Variants in NLRP4 observed in about 807,000 individuals in gnomAD.
NLRP4 encodes the protein NACHT, LRR and PYD domains-containing protein 4.
NLRP4 carries 44 observed loss-of-function variants against 84.7 expected under a neutral mutation model. That is an observed-to-expected ratio of 0.52 (90% CI 0.41 to 0.67). The LOEUF (loss-of-function observed/expected upper bound fraction) is 0.67, where lower values mean the gene tolerates loss of function less well. NLRP4 is among the 30% of genes least tolerant of loss of function. The pLI is 0.00. For synonymous variants in NLRP4, 544 were observed against 476.4 expected (o/e 1.14, Z -1.85); for missense variants, 1,260 against 1,219.4 (o/e 1.03, Z -0.50).
At chr19:55,844,250 C>T (rs1336822895) in intron 1 of NLRP4, among the ~76,000 whole-genome samples, 2 of 152,004 alleles carry the variant, frequency 1.3e-5, no homozygotes, top group Non-Finnish European at 2.9e-5. Context: ...ATCCTCTTCC[C>T]TCTATTCATA....
chr19:55,838,341 G>A (rs1280825381), intron 1 of NLRP4, among the ~76,000 whole-genome samples: 1 of 151,240 alleles, frequency 6.6e-6, no homozygotes, highest in African/African-American at 2.4e-5. Flanking sequence ...CAAGCAGAAT[G>A]GCATGTGACA....
At position 55,858,882 on chromosome 19, in the gene NLRP4, A is replaced by AT. The variant is rs2123035164; in HGVS notation, c.1496dup (p.Leu499PhefsTer11). The AT allele has an allele frequency of 1.2e-5, 19 of 1,614,120 alleles. No homozygotes were observed. Among genetic ancestry groups the AT allele is most frequent in the Non-Finnish European group, 1.6e-5 (19 of 1,180,018 alleles). ...TGAAAAAGCAAGGAGAGCACATTGG[A>AT]TTTTTTTGGGGTGTTTTCTAACTGG... On this transcript the variant is annotated frameshift_variant, in exon 3 of 10. Coordinates refer to ENST00000301295, the MANE Select transcript of NLRP4 (RefSeq NM_134444.5). LOFTEE classifies it high-confidence loss of function. The surrounding 1 kb of genome is among the most constrained non-coding windows in gnomAD (Gnocchi z 4.2).
Position 55,850,113 on chromosome 19 carries a change from AGCTGCGGTGTAATTTCCGTG to A in NLRP4, c.-65-1884_-65-1865del, listed in dbSNP as rs1189948965. On this transcript the variant is annotated intron_variant, in intron 1 of 9. Coordinates refer to ENST00000301295, the MANE Select transcript of NLRP4 (RefSeq NM_134444.5). ...TCCGTGGCTGCGGTGTAATTACCGT[AGCTGCGGTGTAATTTCCGTG>A]GCTGCGGTGTAATTTCCGAGGCTGC... Among the ~76,000 whole-genome samples, 393 of 52,268 alleles carry A rather than the reference AGCTGCGGTGTAATTTCCGTG, an allele frequency of 7.5e-3. 16 individuals are homozygous for A. The highest frequency in any genetic ancestry group is 0.023 in the East Asian group (49 of 2,110). 34.3% of individuals were successfully genotyped at this position (52,268 alleles called of 152,430 possible). A position where few individuals can be genotyped will look rare whatever the true frequency, so the allele number is the denominator to read the frequency against.
chr19:55,877,109 G>C lies in NLRP4; in HGVS notation c.2639G>C (p.Gly880Ala), dbSNP rs759989352. Residue 880 changes from glycine (G) to alanine (A), a missense_variant, in exon 8 of 10, where the codon GGT becomes GCT. By Grantham distance (60) the Gly-to-Ala change is moderately conservative. This residue lies in a region of NLRP4 where 544 missense variants were observed against 531.7 expected (regional missense o/e 1.02). Transcript: ENST00000301295. ...GGGTGCAATGAAATCGGAGATGTGG[G>C]TGTGCAGCTGTTGTGTCGGGCTCTG... ...QIGCNEIGDV[G>A]VQLLCRALTH... The C allele has an allele frequency of 3.8e-5, 62 of 1,614,164 alleles. No homozygotes were observed. The highest frequency in any genetic ancestry group is 5.1e-5 in the Non-Finnish European group (60 of 1,179,988).
intron 1 of NLRP4, among the ~76,000 whole-genome samples, chr19:55,839,839 C>T (rs2122989343): frequency 6.6e-6 from 1 of 152,184 alleles, no homozygotes; most frequent in Non-Finnish European, 1.5e-5. Context: ...TTCAACCTTC[C>T]TTATGCCTTT....
intron 1 of NLRP4, among the ~76,000 whole-genome samples, chr19:55,840,332 A>ATG (rs1456624090): frequency 5.8e-5 from 7 of 120,256 alleles, no homozygotes; most frequent in African/African-American, 2.4e-4. Flanking sequence ...GTATAGACAT[A>ATG]TGTGTATGTG....
chr19:55,871,042 G>T, intron 7 of NLRP4, 45 bp downstream of exon 7: 3 of 1,557,142 alleles, frequency 1.9e-6, no homozygotes, highest in Non-Finnish European at 2.7e-6. Flanking sequence ...GTCTTTTCAA[G>T]GGCATGCACT....
chr19:55,872,024 A>AT, intron 7 of NLRP4, among the ~76,000 whole-genome samples: 1 of 151,804 alleles, frequency 6.6e-6, no homozygotes, highest in African/African-American at 2.4e-5. Flanking sequence ...ATTTTTTTGT[A>AT]TTTTTAGTAG....
rs1166037425 is a variant in NLRP4 at position 55,859,926 on chromosome 19, C to CAAAAAAA, written c.1856+697_1856+703dup. 1.4e-3 allele frequency among the ~76,000 whole-genome samples: 24 copies of CAAAAAAA among 17,472 alleles called. 2 individuals are homozygous for CAAAAAAA. The highest frequency in any genetic ancestry group is 2.6e-3 in the African/African-American group (12 of 4,532). 11.5% of individuals were successfully genotyped at this position (17,472 alleles called of 152,430 possible). ...TGGGTGACAGTGAGACTCTCATCTC[C>CAAAAAAA]AAAAAAAAAAAAAAAAAAAAAAAAA... On this transcript the variant is annotated intron_variant, in intron 3 of 9. Coordinates refer to ENST00000301295, the MANE Select transcript of NLRP4 (RefSeq NM_134444.5).
chr19:55,862,116 T>C lies in NLRP4; in HGVS notation c.2143T>C (p.Cys715Arg). 2 of 1,614,012 alleles carry C rather than the reference T, an allele frequency of 1.2e-6. No individual in the cohort carries two copies. The highest frequency in any genetic ancestry group is 1.7e-6 in the Non-Finnish European group (2 of 1,179,828). The change falls in exon 5 of 10, where the codon TGT (cysteine) becomes CGT (arginine). Residue 715 changes from cysteine to arginine, a missense_variant. By Grantham distance (180) the Cys-to-Arg change is radical. Around this residue, in one of 3 missense-constraint regions of NLRP4, gnomAD observed 544 missense variants for 531.7 expected, o/e 1.02. Coordinates refer to ENST00000301295, the MANE Select transcript of NLRP4 (RefSeq NM_134444.5). Reference protein sequence around the residue: ...KLSRDDIRSLCDALNYPAGNV... With the variant: ...KLSRDDIRSLRDALNYPAGNV... The stretch of plus-strand genomic sequence containing the variant: ...CTCTCGTGATGACATCAGGTCCCTC[T>C]GTGATGCCTTGAACTACCCAGCAGG...
chr19:55,853,930 T>G (rs1984302214), intron 2 of NLRP4, among the ~76,000 whole-genome samples: 1 of 151,350 alleles, frequency 6.6e-6, no homozygotes, highest in South Asian at 2.1e-4. Flanking sequence ...TCTTTCTCTT[T>G]CTCTCTCTCT....
rs1984783699 is a variant in NLRP4, at chr19:55,862,121, T to C, written c.2148T>C (p.Asp716=). The change falls in exon 5 of 10, where the codon GAT becomes GAC. Residue 716 remains aspartate (D), a synonymous_variant. Transcript: ENST00000301295. ...LSRDDIRSLC[D]ALNYPAGNVK... ...GTGATGACATCAGGTCCCTCTGTGA[T>C]GCCTTGAACTACCCAGCAGGCAACG... 2.5e-6 allele frequency: 4 copies of C among 1,613,904 alleles called. No individual in the cohort carries two copies. The highest frequency in any genetic ancestry group is 3.4e-6 in the Non-Finnish European group (4 of 1,179,850).
chr19:55,863,497 G>C (rs1292327532), intron 5 of NLRP4, among the ~76,000 whole-genome samples: 1 of 152,120 alleles, frequency 6.6e-6, no homozygotes, highest in Non-Finnish European at 1.5e-5. Context: ...GCGCTACACA[G>C]TTCCAAGCAA....
chr19:55,871,806 G>T (rs1370475084), intron 7 of NLRP4, among the ~76,000 whole-genome samples: 1 of 148,716 alleles, frequency 6.7e-6, no homozygotes, highest in Non-Finnish European at 1.5e-5. Context: ...ACAATATTAA[G>T]AAAAAATTTA....
intron 1 of NLRP4, among the ~76,000 whole-genome samples, chr19:55,849,096 A>G (rs1983917750): frequency 6.6e-6 from 1 of 152,186 alleles, no homozygotes; most frequent in Non-Finnish European, 1.5e-5. Context: ...AGAACAGACT[A>G]ATACACCACA....
rs1984572338 is a variant in NLRP4 at position 55,858,650 on chromosome 19, C to T, written c.1257C>T (p.Leu419=). 6.2e-7 allele frequency: 1 copy of T among 1,614,138 alleles called. No homozygotes were observed. Among genetic ancestry groups the T allele is most frequent in the Non-Finnish European group, 8.5e-7 (1 of 1,180,014 alleles). Residue 419 remains leucine (L), a synonymous_variant, in exon 3 of 10, where the codon CTC becomes CTT. Transcript: ENST00000301295. This position sits in a 1 kb window ranked among gnomAD's most constrained non-coding sequence, Gnocchi z 4.2. ...CATTTGAGTTTTGTGAAGACGACCT[C>T]CGGAGAAATGGGGTTGTTGACGCTG... ...TDTFEFCEDD[L]RRNGVVDADI...
Position 55,858,567 on chromosome 19 carries a change from AC to A in NLRP4, c.1177del (p.Gln393SerfsTer4). 1 of 1,614,094 alleles carries A rather than the reference AC, an allele frequency of 6.2e-7. No individual in the cohort carries two copies. The highest frequency in any genetic ancestry group is 8.5e-7 in the Non-Finnish European group (1 of 1,179,998). ...PEGAEGPTPQTQHQLKALCSL... is the reference protein window; with the variant it reads ...PEGAEGPTPQXQHQLKALCSL... ...GGGTGCCGAGGGCCCGACTCCGCAA[AC>A]CCAGCACCAGCTGAAGGCCCTGTGC... On this transcript the variant is annotated frameshift_variant, in exon 3 of 10. Transcript: ENST00000301295. LOFTEE classifies it high-confidence loss of function. The surrounding 1 kb of genome is among the most constrained non-coding windows in gnomAD (Gnocchi z 4.2).
chr19:55,848,937 C>A (rs546456907), intron 1 of NLRP4, among the ~76,000 whole-genome samples: 4 of 152,040 alleles, frequency 2.6e-5, no homozygotes, highest in African/African-American at 9.7e-5. Flanking sequence ...GTCGTTTGGT[C>A]CTCTCTTGTC....
intron 5 of NLRP4, among the ~76,000 whole-genome samples, chr19:55,865,804 T>C (rs906355826): frequency 1.5e-4 from 23 of 152,202 alleles, no homozygotes; most frequent in Admixed American, 5.9e-4. Flanking sequence ...TAAGTGTTCT[T>C]TATGTTTTCT....
Sources: gnomAD v4.1 joint callset for allele counts (sites outside exome capture counted in the v4.1 genomes callset) on GRCh38, gnomAD v4.1.1 for gene constraint, gnomAD v4.1.1 regional missense constraint, Gnocchi (gnomAD v3.1) non-coding constraint, MANE v1.5 for transcripts, NCBI Gene and HGNC (gene_info 2026-07-23, HGNC 2026-07-21) for gene names.